Variants in MAMDC4 observed in about 807,000 individuals in gnomAD.
The protein encoded by MAMDC4 is MAM domain containing 4.
A neutral mutation model predicts 153.3 loss-of-function variants in MAMDC4; 168 were observed. The ratio of observed to expected loss-of-function variants is 1.10; its 90% CI spans 0.97 to 1.25. The LOEUF (loss-of-function observed/expected upper bound fraction) is 1.25, where lower values mean the gene tolerates loss of function less well. Ranked by LOEUF, MAMDC4 falls within the 50% of genes most tolerant of loss-of-function variation. The pLI, the probability that MAMDC4 is intolerant of heterozygous loss-of-function variation, is 0.00. For missense variants in MAMDC4, 1,701 were observed against 1,542.8 expected (o/e 1.10, Z -1.72); for synonymous variants, 744 against 651.5 (o/e 1.14, Z -2.16).
At position 136,855,766 on chromosome 9, in the gene MAMDC4, C is replaced by A. The variant is rs1848995782; in HGVS notation, c.1506C>A (p.Gly502=). The A allele has an allele frequency of 1.3e-6, 2 of 1,568,250 alleles. No individual in the cohort carries two copies. Among genetic ancestry groups the A allele is most frequent in the Non-Finnish European group, 1.7e-6 (2 of 1,157,644 alleles). Residue 502 remains glycine (G), a synonymous_variant, in exon 13 of 27, where the codon GGC becomes GGA. Coordinates refer to ENST00000317446, the MANE Select transcript of MAMDC4 (RefSeq NM_206920.3). ...ACTTTGAGTCCCCCGAGGCTGGGGG[C>A]TGGGAGGACGCCAGCGTGGGGCGGC... ...TTDFESPEAG[G]WEDASVGRLQ... is the part of the protein sequence containing the mutation.
chr9:136,857,770 G>T lies in MAMDC4; in HGVS notation c.2438G>T (p.Trp813Leu). 1 of 1,612,556 alleles carries T rather than the reference G, an allele frequency of 6.2e-7. No individual in the cohort carries two copies. The change falls in exon 19 of 27, where the codon TGG becomes TTG. Residue 813 changes from tryptophan (W) to leucine (L), a missense_variant. Coordinates refer to ENST00000317446, the MANE Select transcript of MAMDC4 (RefSeq NM_206920.3). The part of the protein sequence containing the change: ...PLAQPACLTF[W>L]YHGSLRSPGT... The stretch of plus-strand genomic sequence containing the variant: ...GCCCAGCCTGCTTGTCTGACCTTCT[G>T]GTACCACGGGAGCCTCCGCAGCCCA...
In MAMDC4 at chr9:136,860,698, CA is replaced by C; in HGVS notation, c.*96del. 1 of 1,372,470 alleles carries C rather than the reference CA, an allele frequency of 7.3e-7. No individual in the cohort carries two copies. Among genetic ancestry groups the C allele is most frequent in the South Asian group, 1.2e-5 (1 of 84,868 alleles). 85.0% of individuals were successfully genotyped at this position (1,372,470 alleles called of 1,614,324 possible). On this transcript the variant is annotated 3_prime_UTR_variant, in exon 27 of 27. Coordinates refer to ENST00000317446, the MANE Select transcript of MAMDC4 (RefSeq NM_206920.3). Reference sequence around the variant, plus strand: ...GACACCTGCCCCGCCCAGGCTGGGACAGGCTGCAGGTCTCAGGATATGCTGA... The same window carrying C: ...GACACCTGCCCCGCCCAGGCTGGGACGGCTGCAGGTCTCAGGATATGCTGA...
chr9:136,854,796 C>T lies in MAMDC4; in HGVS notation c.969C>T (p.Thr323=), dbSNP rs1459611656. Reference sequence around the variant, plus strand: ...TGGTCTCCGTGGCCGAGCCTGGCACCCCTGCTATACTCTCCAGCCCCGAAT... The same window carrying T: ...TGGTCTCCGTGGCCGAGCCTGGCACTCCTGCTATACTCTCCAGCCCCGAAT... The part of the protein sequence containing the change: ...SFLVSVAEPG[T]PAILSSPEFQ... Residue 323 remains threonine, a synonymous_variant, in exon 9 of 27, where the codon ACC becomes ACT. Coordinates refer to ENST00000317446, the MANE Select transcript of MAMDC4 (RefSeq NM_206920.3). The T allele has an allele frequency of 7.4e-6, 12 of 1,612,752 alleles. No homozygotes were observed. The highest frequency in any genetic ancestry group is 1.3e-5 in the African/African-American group (1 of 74,914).
chr9:136,859,283 T>C lies in MAMDC4; in HGVS notation c.3159T>C (p.Ala1053=), dbSNP rs61741097. 3,062 of 1,611,706 alleles carry C rather than the reference T, an allele frequency of 1.9e-3. 58 individuals carry two copies. The African/African-American group carries it at 0.034, about 18-fold the overall frequency. Residue 1053 remains alanine, a synonymous_variant, in exon 25 of 27, where the codon GCT becomes GCC. Coordinates refer to ENST00000317446, the MANE Select transcript of MAMDC4 (RefSeq NM_206920.3). ...CCCTGGATGACGTGGAGTATCTGGC[T>C]GGGCAGCATTGCCAGCAGCCTGCCC... The part of the protein sequence containing the change: ...PIALDDVEYL[A]GQHCQQPAPS...
At position 136,856,115 on chromosome 9, in the gene MAMDC4, C is replaced by G. The variant is rs1313889140; in HGVS notation, c.1686C>G (p.Leu562=). The change falls in exon 14 of 27, where the codon CTC becomes CTG. Residue 562 remains leucine (L), a synonymous_variant. Coordinates refer to ENST00000317446, the MANE Select transcript of MAMDC4 (RefSeq NM_206920.3). ...LLGPSGPSCE[L]HLAYYLQSQP... ...GCCCTTCTGGCCCCAGCTGTGAACTCCACCTGGCTTATTATTTACAGAGCC... is the reference window on the plus strand; with the variant it reads ...GCCCTTCTGGCCCCAGCTGTGAACTGCACCTGGCTTATTATTTACAGAGCC... 1 of 1,612,524 alleles carries G rather than the reference C, an allele frequency of 6.2e-7. No individual in the cohort carries two copies. The highest frequency in any genetic ancestry group is 1.1e-5 in the South Asian group (1 of 91,082).
rs138030921 is a variant in MAMDC4 at position 136,859,896 on chromosome 9, C to T, written c.3204C>T (p.Ala1068=). The change falls in exon 26 of 27, where the codon GCC becomes GCT. Residue 1068 remains alanine (A), a synonymous_variant. Coordinates refer to ENST00000317446, the MANE Select transcript of MAMDC4 (RefSeq NM_206920.3). The part of the protein sequence containing the change: ...QQPAPSPGNT[A]APGSVPAVVG... ...CCCTATGGCCCACAGGGAACACAGC[C>T]GCACCCGGGTCTGTGCCAGCTGTGG... The T allele has an allele frequency of 2.1e-4, 333 of 1,611,720 alleles. No individual in the cohort carries two copies. The highest frequency in any genetic ancestry group is 1.6e-4 in the South Asian group (15 of 91,010).
intron 1 of MAMDC4, 22 bp from the exon 2 acceptor site, chr9:136,853,080 C>G: frequency 1.2e-6 from 2 of 1,608,128 alleles, no homozygotes; most frequent in African/African-American, 1.3e-5. Context: ...CCCAGGCCAC[C>G]TGGCTGTCAA....
Position 136,853,349 on chromosome 9 carries a change from C to T in MAMDC4, c.219C>T (p.Cys73=), listed in dbSNP as rs372601594. The stretch of plus-strand genomic sequence containing the variant: ...CCTGTGACTTCGAGCAGGACCCCTG[C>T]GGCTGGCGGGACATTAGTACCTCAG... The part of the protein sequence containing the change: ...PFACDFEQDP[C]GWRDISTSGY... The change falls in exon 3 of 27, where the codon TGC becomes TGT. Residue 73 remains cysteine, a synonymous_variant. Coordinates refer to ENST00000317446, the MANE Select transcript of MAMDC4 (RefSeq NM_206920.3). 6.8e-6 allele frequency: 11 copies of T among 1,606,874 alleles called. No homozygotes were observed. The highest frequency in any genetic ancestry group is 4.4e-5 in the South Asian group (4 of 90,744).
chr9:136,854,057 C>A lies in MAMDC4; in HGVS notation c.651C>A (p.Phe217Leu), dbSNP rs779795317. ...CTGTGGCTCTAGATGACCTAGAGTT[C>A]TGGGACTGTGGTCTGCCCAGTAAGG... ...RGAVALDDLE[F>L]WDCGLPTPQA... Residue 217 changes from phenylalanine to leucine, a missense_variant, in exon 6 of 27, where the codon TTC becomes TTA. Coordinates refer to ENST00000317446, the MANE Select transcript of MAMDC4 (RefSeq NM_206920.3). 4 of 1,612,834 alleles carry A rather than the reference C, an allele frequency of 2.5e-6. No individual in the cohort carries two copies. The highest frequency in any genetic ancestry group is 3.4e-6 in the Non-Finnish European group (4 of 1,179,952).
At chr9:136,858,571 G>GGGA in intron 22 of MAMDC4, 25 bp downstream of exon 22, 24 of 1,564,224 alleles carry the variant, frequency 1.5e-5, no homozygotes, top group Non-Finnish European at 2.1e-5. Context: ...GAGCCAGGTG[G>GGGA]GGAGGCACAC....
In MAMDC4 at chr9:136,860,611, C is replaced by T. The variant is rs1564390003; in HGVS notation, c.*8C>T. The T allele has an allele frequency of 1.2e-6, 2 of 1,613,358 alleles. No homozygotes were observed. ...GTCACCAGTGATCCGTAGACCACCC[C>T]AGACAAGGCCCCGCTTCCTCACGTG... On this transcript the variant is annotated 3_prime_UTR_variant, in exon 27 of 27. Coordinates refer to ENST00000317446, the MANE Select transcript of MAMDC4 (RefSeq NM_206920.3).
Position 136,858,094 on chromosome 9 carries a change from G to A in MAMDC4, c.2580G>A (p.Trp860Ter), listed in dbSNP as rs1271858916. The A allele has an allele frequency of 4.6e-6, 7 of 1,533,176 alleles. No individual in the cohort carries two copies. In the East Asian group the frequency reaches 1.5e-4, roughly 32 times the overall value. The allele number at this position is 1,533,176 out of a possible 1,614,324, so 95.0% of individuals were successfully genotyped here. A position where few individuals can be genotyped will look rare whatever the true frequency, so the allele number is the denominator to read the frequency against. ...TGGACGTGCAGGCCGAGCGAGCCTG[G>A]AGGGTGAGTGCAGGGTGGGGTGCCC... The part of the protein sequence containing the change: ...GSMDVQAERA[W>*]RVVFEAVAAG... The change falls in exon 20 of 27, where the codon TGG (tryptophan) becomes TGA (stop). Residue 860 changes from tryptophan (W) to a stop codon, truncating the protein, a stop_gained. Transcript: ENST00000317446. LOFTEE classifies it high-confidence loss of function.
rs1848998898 is a variant in MAMDC4, at chr9:136,856,018, G to A, written c.1589G>A (p.Gly530Glu). ...ESQGSSAAAA[G>E]HFLSLQRAWG... ...TCTGAGCACCATGCTCTTCCCCTAG[G>A]GCACTTCCTGTCTCTGCAGCGGGCC... Residue 530 changes from glycine to glutamate, a missense_variant and splice_region_variant, in exon 14 of 27, where the codon GGG becomes GAG. Coordinates refer to ENST00000317446, the MANE Select transcript of MAMDC4 (RefSeq NM_206920.3). 2 of 1,610,032 alleles carry A rather than the reference G, an allele frequency of 1.2e-6. No individual in the cohort carries two copies. Among genetic ancestry groups the A allele is most frequent in the Non-Finnish European group, 8.5e-7 (1 of 1,178,472 alleles).
rs1849032742 is a variant in MAMDC4 at position 136,858,069 on chromosome 9, T to C, written c.2555T>C (p.Met852Thr). The change falls in exon 20 of 27, where the codon ATG (methionine) becomes ACG (threonine). Residue 852 changes from methionine (M) to threonine (T), a missense_variant. Met to Thr is a moderately conservative substitution (Grantham distance 81). Coordinates refer to ENST00000317446, the MANE Select transcript of MAMDC4 (RefSeq NM_206920.3). The stretch of plus-strand genomic sequence containing the variant: ...GGGCTTGCCTGGCGCCTGGGCAGCA[T>C]GGACGTGCAGGCCGAGCGAGCCTGG... ...HGGLAWRLGS[M>T]DVQAERAWRV... 6.5e-7 allele frequency: 1 copy of C among 1,531,288 alleles called. No individual in the cohort carries two copies. The highest frequency in any genetic ancestry group is 8.8e-7 in the Non-Finnish European group (1 of 1,140,824). 94.9% of individuals were successfully genotyped at this position (1,531,288 alleles called of 1,614,324 possible).
chr9:136,859,250 G>C lies in MAMDC4; in HGVS notation c.3126G>C (p.Gly1042=), dbSNP rs763449170. Residue 1042 remains glycine (G), a synonymous_variant, in exon 25 of 27, where the codon GGG becomes GGC. Coordinates refer to ENST00000317446, the MANE Select transcript of MAMDC4 (RefSeq NM_206920.3). ...CTCTGGGCGGCCAGCCAGCCCTGGG[G>C]CCCATTGCCCTGGATGACGTGGAGT... The part of the protein sequence containing the change: ...EATLGGQPAL[G]PIALDDVEYL... 6.2e-7 allele frequency: 1 copy of C among 1,612,226 alleles called. No homozygotes were observed. Among genetic ancestry groups the C allele is most frequent in the Middle Eastern group, 1.7e-4 (1 of 6,054 alleles).
At chr9:136,853,727 A>G in intron 4 of MAMDC4, 50 bp from the exon 5 acceptor site, 1 of 1,605,112 alleles carries the variant, frequency 6.2e-7, no homozygotes, top group Non-Finnish European at 8.5e-7. Context: ...GCGGGTGGGC[A>G]GCTGGGGACA....
Position 136,860,541 on chromosome 9 carries a change from AG to A in MAMDC4, c.3373-20del, listed in dbSNP as rs765057111. 29 of 1,607,572 alleles carry A rather than the reference AG, an allele frequency of 1.8e-5. No homozygotes were observed. The highest frequency in any genetic ancestry group is 2.4e-5 in the Non-Finnish European group (28 of 1,178,730). On this transcript the variant is annotated intron_variant, in intron 26 of 26. Coordinates refer to ENST00000317446, the MANE Select transcript of MAMDC4 (RefSeq NM_206920.3). ...CGTCTCAGGAAAGAAAGAAAAAAAA[AG>A]CTCCTCTTCCTCCTCCTAGGATGGT...
intron 25 of MAMDC4, 122 bp downstream of exon 25, chr9:136,859,439 C>T (rs1205532022): frequency 6.7e-6 from 6 of 889,278 alleles, no homozygotes; most frequent in Admixed American, 2.8e-5. Context: ...CCAGACAGGA[C>T]AAGAGAGCTG....
chr9:136,855,589 T>C lies in MAMDC4; in HGVS notation c.1441T>C (p.Cys481Arg), dbSNP rs199522336. Reference sequence around the variant, plus strand: ...ACAACTGTGTGACTTCGAGGAGCAGTGCGCAGGGGGCGAGGACGAGCAGGC... The same window carrying C: ...ACAACTGTGTGACTTCGAGGAGCAGCGCGCAGGGGGCGAGGACGAGCAGGC... ...PEQLCDFEEQ[C>R]AGGEDEQACG... Residue 481 changes from cysteine to arginine, a missense_variant, in exon 12 of 27, where the codon TGC becomes CGC. Coordinates refer to ENST00000317446, the MANE Select transcript of MAMDC4 (RefSeq NM_206920.3). 672 of 1,588,618 alleles carry C rather than the reference T, an allele frequency of 4.2e-4. 1 individual carries two copies. The highest frequency in any genetic ancestry group is 5.5e-4 in the Non-Finnish European group (643 of 1,167,570).
Sources: allele counts gnomAD v4.1 joint callset, GRCh38; gene constraint gnomAD v4.1.1; transcripts MANE v1.5; gene names NCBI Gene and HGNC (gene_info 2026-07-23, HGNC 2026-07-21).